Variants in TIAM2 observed in about 807,000 individuals in gnomAD.
TIAM2 encodes rho guanine nucleotide exchange factor TIAM2.
In TIAM2, 80 loss-of-function variants were observed where a neutral mutation model predicts 152.9. The observed-to-expected ratio is 0.52, with a 90% CI of 0.44 to 0.63. TIAM2 has a LOEUF of 0.63. TIAM2 is among the 30% of genes least tolerant of loss of function. The pLI is 0.00. For synonymous variants in TIAM2, 804 were observed against 838.0 expected (o/e 0.96, Z 0.70); for missense variants, 1,965 against 2,120.1 (o/e 0.93, Z 1.44).
chr6:155,158,601 G>A (rs1780180827), intron 7 of TIAM2, among the ~76,000 whole-genome samples: 1 of 151,202 alleles, frequency 6.6e-6, no homozygotes, highest in South Asian at 2.1e-4. Context: ...TGCCCAGGCT[G>A]GAGTGTGCAG....
intron 1 of TIAM2, among the ~76,000 whole-genome samples, chr6:155,029,928 G>T (rs911938986): frequency 6.6e-5 from 10 of 151,736 alleles, no homozygotes; most frequent in Non-Finnish European, 1.0e-4. Context: ...AAGTAGCTGG[G>T]ACCACAGGCA....
At chr6:155,134,493 G>T (rs567490945) in intron 4 of TIAM2, among the ~76,000 whole-genome samples, 1 of 148,670 alleles carries the variant, frequency 6.7e-6, no homozygotes, top group Non-Finnish European at 1.5e-5. Flanking sequence ...TCAAGAGTGT[G>T]TGTAGGTCAC....
chr6:155,238,952 T>C (rs1782899744), intron 15 of TIAM2, among the ~76,000 whole-genome samples: 1 of 152,170 alleles, frequency 6.6e-6, no homozygotes, highest in Non-Finnish European at 1.5e-5. Context: ...ATGACAACAC[T>C]GTGTTGGTGG....
At chr6:155,033,283 C>G (rs1285942449) in intron 1 of TIAM2, among the ~76,000 whole-genome samples, 1 of 152,218 alleles carries the variant, frequency 6.6e-6, no homozygotes, top group African/African-American at 2.4e-5. Context: ...CGTGATCTCT[C>G]AGGAGCATGG....
Position 155,126,656 on chromosome 6 carries a change from A to G in TIAM2, c.-117-834A>G, listed in dbSNP as rs543763242. ...TGAGGTAGGAGAATCGCTTGAACCC[A>G]GGAGGCGGAGGTTGCAGTGAGCCGA... On this transcript the variant is annotated intron_variant, in intron 2 of 26. Coordinates refer to ENST00000682666, the MANE Select transcript of TIAM2 (RefSeq NM_012454.4). 1.1e-4 allele frequency among the ~76,000 whole-genome samples: 17 copies of G among 152,202 alleles called. No individual in the cohort carries two copies. In the South Asian group the frequency reaches 2.7e-3, roughly 24 times the overall value.
intron 4 of TIAM2, among the ~76,000 whole-genome samples, chr6:155,136,581 T>C (rs1053928314): frequency 6.6e-6 from 1 of 152,184 alleles, no homozygotes; most frequent in Admixed American, 6.5e-5. Flanking sequence ...CTATTATTTT[T>C]ACTATATGAA....
At chr6:155,164,365 C>T in intron 7 of TIAM2, 50 bp from the exon 8 acceptor site, 1 of 1,519,652 alleles carries the variant, frequency 6.6e-7, no homozygotes. Flanking sequence ...TCGTTTTAAC[C>T]TGTGAAAACT....
At chr6:155,171,188 A>G (rs982049855) in intron 9 of TIAM2, among the ~76,000 whole-genome samples, 71 of 152,366 alleles carry the variant, frequency 4.7e-4, no homozygotes, top group African/African-American at 1.6e-3. Flanking sequence ...GATGCATCAT[A>G]TAACAGCCCA....
intron 1 of TIAM2, among the ~76,000 whole-genome samples, chr6:155,061,081 T>A (rs1777569763): frequency 6.6e-6 from 1 of 152,202 alleles, no homozygotes; most frequent in Non-Finnish European, 1.5e-5. Context: ...AGAAACCAAG[T>A]TCTGGGTGCC....
rs1013446526 is a variant in TIAM2, at chr6:155,158,427, T to A, written c.2029-5988T>A. Among the ~76,000 whole-genome samples the A allele has an allele frequency of 5.3e-5, 8 of 152,250 alleles. 1 individual carries two copies. The highest frequency in any genetic ancestry group is 1.9e-4 in the African/African-American group (8 of 41,456). On this transcript the variant is annotated intron_variant, in intron 7 of 26. Transcript: ENST00000682666. ...TGTTCCCCTGTAATTTTGTTATTAG[T>A]AACTTCCTTTCACAATGAAAGATAA... is the stretch of plus-strand genomic sequence containing the variant.
chr6:155,197,733 G>C (rs79247635), intron 14 of TIAM2, among the ~76,000 whole-genome samples: 1 of 151,928 alleles, frequency 6.6e-6, no homozygotes, highest in South Asian at 2.1e-4. Context: ...CCGACCAAAA[G>C]GGGGAAAGCC....
intron 2 of TIAM2, among the ~76,000 whole-genome samples, chr6:155,104,034 ACACACACCCCCCCCCCCACACCCC>A (rs1778611076): frequency 2.1e-5 from 2 of 95,952 alleles, no homozygotes; most frequent in East Asian, 2.2e-4. Context: ...TACCTCACAC[ACACACACCCCCCCCCCCACACCCC>A]CACACACCCC....
intron 1 of TIAM2, among the ~76,000 whole-genome samples, chr6:155,003,116 T>C (rs1403173591): frequency 6.6e-6 from 1 of 152,182 alleles, no homozygotes; most frequent in Non-Finnish European, 1.5e-5. Flanking sequence ...TATTATAATA[T>C]GATTATGAGA....
intron 1 of TIAM2, among the ~76,000 whole-genome samples, chr6:155,046,648 T>C (rs931905487): frequency 3.3e-5 from 5 of 152,128 alleles, no homozygotes; most frequent in Admixed American, 6.5e-5. Flanking sequence ...TGCTCTATCT[T>C]AACAGACAGG....
chr6:155,036,423 A>C (rs1315251027), intron 1 of TIAM2, among the ~76,000 whole-genome samples: 1 of 150,794 alleles, frequency 6.6e-6, no homozygotes, highest in African/African-American at 2.4e-5. Context: ...AGTCCCAGCT[A>C]CTTGGGAGGC....
chr6:155,254,059 A>G lies in TIAM2; in HGVS notation c.4312A>G (p.Ser1438Gly). Residue 1438 changes from serine to glycine, a missense_variant and splice_region_variant, in exon 25 of 27, where the codon AGT becomes GGT. Ser to Gly is a moderately conservative substitution (Grantham distance 56). Transcript: ENST00000682666. ...RPETIFQLCCSDSESKTNIVK... is the reference protein window; with the variant it reads ...RPETIFQLCCGDSESKTNIVK... ...AGAAACCATCTTTCAGTTGTGTTGC[A>G]GGTATGACTGACTTCCAAAGATTAA... 6.2e-7 allele frequency: 1 copy of G among 1,613,716 alleles called. No individual in the cohort carries two copies. The highest frequency in any genetic ancestry group is 8.5e-7 in the Non-Finnish European group (1 of 1,179,716).
intron 1 of TIAM2, among the ~76,000 whole-genome samples, chr6:155,008,316 C>T (rs760299436): frequency 3.3e-5 from 5 of 152,130 alleles, no homozygotes; most frequent in Non-Finnish European, 5.9e-5. Context: ...GTGGTTAGTC[C>T]GGATAGTGCC....
At chr6:155,162,183 C>A (rs1022062079) in intron 7 of TIAM2, among the ~76,000 whole-genome samples, 3 of 152,112 alleles carry the variant, frequency 2.0e-5, no homozygotes, top group Non-Finnish European at 4.4e-5. Flanking sequence ...GTCTCAAACT[C>A]CTGGGCTCAA....
rs929400723 is a variant in TIAM2, at chr6:155,257,703, G to GTAAA, written c.*583_*586dup. The GTAAA allele has an allele frequency of 4.6e-6, 5 of 1,091,552 alleles. No individual in the cohort carries two copies. The highest frequency in any genetic ancestry group is 6.7e-6 in the Non-Finnish European group (5 of 745,220). 67.6% of individuals were successfully genotyped at this position (1,091,552 alleles called of 1,614,324 possible). On this transcript the variant is annotated 3_prime_UTR_variant, in exon 27 of 27. Coordinates refer to ENST00000682666, the MANE Select transcript of TIAM2 (RefSeq NM_012454.4). ...TTTATTTTCTCTGCCAAGCTGTATA[G>GTAAA]TAAAAGGAAAATAAGTCACATCTGG...
Sources: gnomAD v4.1 joint callset for allele counts (sites outside exome capture counted in the v4.1 genomes callset) on GRCh38, gnomAD v4.1.1 for gene constraint, MANE v1.5 for transcripts, NCBI Gene and HGNC (gene_info 2026-07-23, HGNC 2026-07-21) for gene names.